PGLYRP4: variants seen among roughly 807,000 people sequenced by gnomAD.
PGLYRP4 encodes the protein PGRP-I-beta.
Under a neutral mutation model 41.2 loss-of-function variants are expected in PGLYRP4, and 39 were observed. The observed-to-expected ratio is 0.95, with a 90% CI of 0.73 to 1.24. The LOEUF (loss-of-function observed/expected upper bound fraction) is 1.24. Ranked by LOEUF, PGLYRP4 falls within the 50% of genes most tolerant of loss-of-function variation. PGLYRP4 has a pLI of 0.00. For synonymous variants in PGLYRP4, 202 were observed against 186.8 expected (o/e 1.08, Z -0.66); for missense variants, 467 against 460.7 (o/e 1.01, Z -0.13).
chr1:153,336,369 C>CAAAAAAAAAAAA (rs58665160), intron 8 of PGLYRP4, among the ~76,000 whole-genome samples: 4 of 76,494 alleles, frequency 5.2e-5, no homozygotes, highest in South Asian at 1.3e-3. Context: ...GACTCCATCT[C>CAAAAAAAAAAAA]AAAAAAAAAA....
intron 7 of PGLYRP4, among the ~76,000 whole-genome samples, chr1:153,339,182 C>A (rs1185312904): frequency 1.3e-5 from 2 of 152,236 alleles, no homozygotes; most frequent in Admixed American, 6.5e-5. Flanking sequence ...GAAAGGGCCT[C>A]CCCTCAGCCT....
rs1329893828 is a variant in PGLYRP4 at position 153,341,634 on chromosome 1, C to A, written c.618G>T (p.Leu206=). The stretch of plus-strand genomic sequence containing the variant: ...GCTGAAGAAAGGTCTTACCCTTCTT[C>A]AGGCTTGTCTTCTGCCGAGGGGCCA... ...NCLAPRQKTS[L]KKACPGVVPR... Residue 206 remains leucine (L), a synonymous_variant, in exon 6 of 9, where the codon CTG becomes CTT. Transcript: ENST00000359650. 2 of 1,611,740 alleles carry A rather than the reference C, an allele frequency of 1.2e-6. No homozygotes were observed. Among genetic ancestry groups the A allele is most frequent in the South Asian group, 2.2e-5 (2 of 90,914 alleles).
At chr1:153,342,496 A>G (rs190493215) in intron 5 of PGLYRP4, among the ~76,000 whole-genome samples, 1 of 152,342 alleles carries the variant, frequency 6.6e-6, no homozygotes, top group Non-Finnish European at 1.5e-5. Flanking sequence ...GAAACTAGGT[A>G]TGTAAGATCT....
intron 8 of PGLYRP4, among the ~76,000 whole-genome samples, chr1:153,332,524 A>G (rs981007924): frequency 1.3e-5 from 2 of 152,186 alleles, no homozygotes; most frequent in Admixed American, 6.5e-5. Flanking sequence ...CTCTAGATCA[A>G]ATAGACCTAG....
At chr1:153,346,777 A>G (rs1661028098) in intron 2 of PGLYRP4, among the ~76,000 whole-genome samples, 1 of 152,222 alleles carries the variant, frequency 6.6e-6, no homozygotes, top group Non-Finnish European at 1.5e-5. Context: ...TCATAATAAC[A>G]CAAATGTAAT....
intron 2 of PGLYRP4, among the ~76,000 whole-genome samples, chr1:153,346,643 G>T (rs1183933449): frequency 6.6e-6 from 1 of 152,220 alleles, no homozygotes; most frequent in East Asian, 1.9e-4. Context: ...CGTGTGCTAT[G>T]CCCATTCTCC....
chr1:153,343,045 G>C (rs961816112), intron 5 of PGLYRP4, 45 bp downstream of exon 5: 1 of 1,237,476 alleles, frequency 8.1e-7, no homozygotes, highest in Non-Finnish European at 1.2e-6. Context: ...CTGAGACAAA[G>C]GATTAGAGAA....
chr1:153,334,840 T>C (rs1660484577), intron 8 of PGLYRP4, among the ~76,000 whole-genome samples: 2 of 152,154 alleles, frequency 1.3e-5, no homozygotes, highest in South Asian at 4.1e-4. Flanking sequence ...AGCATCGTAC[T>C]GGTATAAAAA....
At chr1:153,347,726 C>G (rs188150819) in intron 2 of PGLYRP4, among the ~76,000 whole-genome samples, 158 bp downstream of exon 2, 1 of 152,122 alleles carries the variant, frequency 6.6e-6, no homozygotes. Flanking sequence ...CAAGTTCTTC[C>G]TCTGTCACTC....
intron 8 of PGLYRP4, among the ~76,000 whole-genome samples, chr1:153,333,653 T>C (rs1028375187): frequency 3.3e-5 from 5 of 152,108 alleles, no homozygotes; most frequent in African/African-American, 1.2e-4. Flanking sequence ...TTAATATCGA[T>C]GCAAAAGTTC....
At chr1:153,340,133 C>T (rs1472481155) in intron 7 of PGLYRP4, among the ~76,000 whole-genome samples, 2 of 152,208 alleles carry the variant, frequency 1.3e-5, no homozygotes, top group Non-Finnish European at 2.9e-5. Context: ...GTTGTAGCAT[C>T]CGTCATGCCA....
At chr1:153,336,111 G>T (rs946587334) in intron 8 of PGLYRP4, among the ~76,000 whole-genome samples, 1 of 151,732 alleles carries the variant, frequency 6.6e-6, no homozygotes, top group South Asian at 2.1e-4. Context: ...AAATGAAATC[G>T]TGGCATGGTG....
chr1:153,341,938 C>A (rs189609056), intron 5 of PGLYRP4, among the ~76,000 whole-genome samples, 159 bp from the exon 6 acceptor site: 1 of 152,198 alleles, frequency 6.6e-6, no homozygotes, highest in East Asian at 1.9e-4. Context: ...AATTAAGGAT[C>A]TTCCTGGAAA....
At position 153,341,582 on chromosome 1, in the gene PGLYRP4, G is replaced by T. The variant is rs1203577064; in HGVS notation, c.625+45C>A. ...CCAATGGTATTTGCGAGTTAGTTGG[G>T]GTGAGCCCAGTGGCAGGCCCAGTAG... On this transcript the variant is annotated intron_variant, in intron 6 of 8. Transcript: ENST00000359650. The T allele has an allele frequency of 1.6e-5, 25 of 1,562,798 alleles. 1 individual carries two copies. In the Admixed American group the frequency reaches 3.8e-4, roughly 24 times the overall value.
intron 8 of PGLYRP4, among the ~76,000 whole-genome samples, chr1:153,331,460 C>T (rs1434683949): frequency 6.6e-6 from 1 of 152,172 alleles, no homozygotes; most frequent in African/African-American, 2.4e-5. Context: ...CAATGCTCAG[C>T]CCAGTATCAA....
At chr1:153,336,238 G>T (rs1660553295) in intron 8 of PGLYRP4, among the ~76,000 whole-genome samples, 1 of 151,862 alleles carries the variant, frequency 6.6e-6, no homozygotes, top group Non-Finnish European at 1.5e-5. Flanking sequence ...AGGTGTGGTG[G>T]CATATGCCTG....
Position 153,346,153 on chromosome 1 carries a change from A to G in PGLYRP4, c.88T>C (p.Ser30Pro), listed in dbSNP as rs750867624. 4 of 1,614,108 alleles carry G rather than the reference A, an allele frequency of 2.5e-6. No individual in the cohort carries two copies. The South Asian group carries it at 4.4e-5, about 18-fold the overall frequency. Residue 30 changes from serine to proline, a missense_variant, in exon 3 of 9, where the codon TCA (serine) becomes CCA (proline). Transcript: ENST00000359650. The stretch of plus-strand genomic sequence containing the variant: ...TCAAATAGGTACTGGAGCCCCTCTG[A>G]TACCTGTTTAGCTTGTGTTTTGTTC... ...SWNKTQAKQV[S>P]EGLQYLFENI...
At chr1:153,342,449 C>G (rs924335823) in intron 5 of PGLYRP4, among the ~76,000 whole-genome samples, 2 of 152,178 alleles carry the variant, frequency 1.3e-5, no homozygotes, top group African/African-American at 4.8e-5. Context: ...TGAAATCTAC[C>G]TGGACTCTCT....
chr1:153,341,856 C>G (rs564706453), intron 5 of PGLYRP4, 77 bp from the exon 6 acceptor site: 24 of 1,400,010 alleles, frequency 1.7e-5, no homozygotes, highest in Non-Finnish European at 2.4e-5. Context: ...AGAAGATGCT[C>G]TGCCAGCCCC....
Sources: allele counts gnomAD v4.1 joint callset (sites outside exome capture counted in the v4.1 genomes callset), GRCh38; gene constraint gnomAD v4.1.1; transcripts MANE v1.5; gene names NCBI Gene and HGNC (gene_info 2026-07-23, HGNC 2026-07-21).